TRIM5: variants seen among roughly 807,000 people sequenced by gnomAD.
The protein encoded by TRIM5 is tripartite motif containing 5.
TRIM5 carries 31 observed loss-of-function variants against 35.6 expected under a neutral mutation model. That is an observed-to-expected ratio of 0.87 (90% CI 0.65 to 1.18). TRIM5 has a LOEUF of 1.18. Ranked by LOEUF, TRIM5 falls within the 50% of genes most tolerant of loss-of-function variation. The pLI is 0.00. For missense variants in TRIM5, 609 were observed against 591.6 expected (o/e 1.03, Z -0.31); for synonymous variants, 243 against 215.6 (o/e 1.13, Z -1.11).
At chr11:5,598,196 G>A in the TRIM5 span, among the ~76,000 whole-genome samples, 41 of 152,284 alleles carry the variant, frequency 2.7e-4, no homozygotes, top group African/African-American at 9.6e-4. Context: ...GCCTCAGTTG[G>A]AAACTGGCAG....
the TRIM5 span, among the ~76,000 whole-genome samples, chr11:5,653,278 A>G: frequency 1.2e-4 from 19 of 152,034 alleles, no homozygotes; most frequent in Admixed American, 3.9e-4. Flanking sequence ...CATTCCTGAT[A>G]GTTTGAATCT....
At chr11:5,657,696 T>TTATA in the TRIM5 span, among the ~76,000 whole-genome samples, 25 of 131,124 alleles carry the variant, frequency 1.9e-4, no homozygotes, top group African/African-American at 7.1e-4. Context: ...ATTTATAATA[T>TTATA]AATATATATA....
At chr11:5,670,327 A>G (rs36084911) in intron 4 of TRIM5, among the ~76,000 whole-genome samples, 76,113 of 149,618 alleles carry the variant, frequency 0.51, 19,873 homozygotes, top group African/African-American at 0.64. Context: ...ACAGGCTCCC[A>G]CCACCACACC....
the TRIM5 span, among the ~76,000 whole-genome samples, chr11:5,593,363 A>C: frequency 0.19 from 29,495 of 152,194 alleles, 2,974 homozygotes; most frequent in Middle Eastern, 0.32. Flanking sequence ...CATTTCTGAC[A>C]ACAGGAATCA....
chr11:5,620,437 G>A, the TRIM5 span, among the ~76,000 whole-genome samples: 1 of 151,346 alleles, frequency 6.6e-6, no homozygotes, highest in African/African-American at 2.4e-5. Context: ...TCCTGAACTC[G>A]TGATCCGCCC....
rs927405850 is a variant in TRIM5, at chr11:5,683,047, G to T, written c.-62+1821C>A. On this transcript the variant is annotated intron_variant, in intron 1 of 7. Coordinates refer to ENST00000380034, the MANE Select transcript of TRIM5 (RefSeq NM_033034.3). ...GGTGGGCCCCGCACTCGGAGTGGCC[G>T]GCCGGCCCCGCTGCCCCGGGCAGTG... is the stretch of plus-strand genomic sequence containing the variant. Among the ~76,000 whole-genome samples the T allele has an allele frequency of 2.4e-4, 37 of 152,206 alleles. 2 individuals carry two copies.
At chr11:5,641,216 C>T in the TRIM5 span, 3 of 1,613,506 alleles carry the variant, frequency 1.9e-6, no homozygotes, top group Non-Finnish European at 1.7e-6. Flanking sequence ...AGGAGTGGTG[C>T]TTGTGAGTTA....
chr11:5,597,677 C>A, the TRIM5 span, among the ~76,000 whole-genome samples: 1 of 152,182 alleles, frequency 6.6e-6, no homozygotes, highest in Non-Finnish European at 1.5e-5. Context: ...AACTCTGAAC[C>A]CCCAGCCTAC....
chr11:5,610,045 A>G, the TRIM5 span: 2 of 1,221,620 alleles, frequency 1.6e-6, no homozygotes, highest in Non-Finnish European at 2.3e-6. Flanking sequence ...TTCAGAAAGG[A>G]GGATTGGAAT....
chr11:5,665,579 A>G, intron 7 of TRIM5, 77 bp downstream of exon 7: 1 of 1,584,252 alleles, frequency 6.3e-7, no homozygotes, highest in Non-Finnish European at 8.5e-7. Flanking sequence ...CTAATAGAGA[A>G]CATAAAATTC....
the TRIM5 span, among the ~76,000 whole-genome samples, chr11:5,640,331 T>A: frequency 5.9e-5 from 9 of 152,300 alleles, no homozygotes; most frequent in African/African-American, 2.2e-4. Flanking sequence ...TTTGTTTTGT[T>A]TTTTTTATGA....
At chr11:5,674,933 T>C (rs1851832463) in intron 4 of TRIM5, among the ~76,000 whole-genome samples, 1 of 152,196 alleles carries the variant, frequency 6.6e-6, no homozygotes, top group Non-Finnish European at 1.5e-5. Flanking sequence ...GGACACCAAC[T>C]TCAGAATGAA....
intron 1 of TRIM5, among the ~76,000 whole-genome samples, chr11:5,681,214 G>C (rs1158170069): frequency 6.6e-6 from 1 of 152,178 alleles, no homozygotes; most frequent in African/African-American, 2.4e-5. Flanking sequence ...TATTAGATGA[G>C]ATGATTCTGT....
chr11:5,596,926 G>A, the TRIM5 span: 5 of 1,614,042 alleles, frequency 3.1e-6, no homozygotes, highest in Non-Finnish European at 3.4e-6. Context: ...TATGTCTACC[G>A]TTCTGTTGAC....
chr11:5,679,373 C>T (rs1245048280), intron 2 of TRIM5, among the ~76,000 whole-genome samples: 1 of 152,188 alleles, frequency 6.6e-6, no homozygotes, highest in East Asian at 1.9e-4. Flanking sequence ...CTCCCCATCT[C>T]CTCACCATGA....
the TRIM5 span, chr11:5,632,729 C>G: frequency 6.2e-7 from 1 of 1,605,770 alleles, no homozygotes; most frequent in Non-Finnish European, 8.5e-7. Context: ...ACAGTCCTCA[C>G]GGAGGAAGTA....
chr11:5,657,530 ATTATTTATATATT>A, the TRIM5 span, among the ~76,000 whole-genome samples: 1 of 129,586 alleles, frequency 7.7e-6, no homozygotes, highest in African/African-American at 3.1e-5. Flanking sequence ...CATTATATAT[ATTATTTATATATT>A]ATATATAATG....
the TRIM5 span, among the ~76,000 whole-genome samples, chr11:5,615,278 TGTTA>T: frequency 2.6e-5 from 4 of 152,210 alleles, no homozygotes; most frequent in African/African-American, 7.2e-5. Flanking sequence ...ATTAACATCA[TGTTA>T]GTTGATATTA....
intron 4 of TRIM5, among the ~76,000 whole-genome samples, chr11:5,670,170 C>CTTTTTTTTT (rs3060972): frequency 5.0e-5 from 3 of 60,232 alleles, no homozygotes; most frequent in African/African-American, 7.3e-5. Context: ...AGATGCCCAT[C>CTTTTTTTTT]TTTTTTTTTT....
Sources: allele counts gnomAD v4.1 joint callset (sites outside exome capture counted in the v4.1 genomes callset), GRCh38; gene constraint gnomAD v4.1.1; transcripts MANE v1.5; gene names NCBI Gene and HGNC (gene_info 2026-07-23, HGNC 2026-07-21).